Variants in CAST observed in about 807,000 individuals in gnomAD.
CAST encodes MIR583 host.
A neutral mutation model predicts 119.6 loss-of-function variants in CAST; 76 were observed. That is an observed-to-expected ratio of 0.64 (90% CI 0.53 to 0.77). The LOEUF is 0.77. Ranked by LOEUF, CAST falls within the 30% of genes least tolerant of loss-of-function variation. The pLI, the probability that CAST is intolerant of heterozygous loss-of-function variation, is 0.00. For missense variants in CAST, 953 were observed against 946.5 expected (o/e 1.01, Z -0.09); for synonymous variants, 319 against 331.6 (o/e 0.96, Z 0.41).
At chr5:96,421,958 TA>T in the CAST span, 1 of 1,192,722 alleles carries the variant, frequency 8.4e-7, no homozygotes, top group Non-Finnish European at 1.2e-6. Context: ...CTCTGGATCC[TA>T]AAGAGACAAC....
At position 96,545,395 on chromosome 5, in the gene CAST, G is replaced by A. The variant is rs531633899; in HGVS notation, c.60+15515G>A. The stretch of plus-strand genomic sequence containing the variant: ...ATATGAAATGAAGCAATGATATGGG[G>A]AATGCCTTGACAAAGGCATTCTTTC... On this transcript the variant is annotated intron_variant, in intron 1 of 11. Coordinates refer to the CAST transcript ENST00000505143. The A allele has an allele frequency of 3.3e-5, 5 of 152,294 alleles. No homozygotes were observed. The East Asian group carries it at 9.6e-4, about 29-fold the overall frequency. The allele number at this position is 152,294 out of a possible 1,614,324, so 9.4% of individuals were successfully genotyped here.
At chr5:96,610,153 G>A (rs749512644) in intron 1 of CAST, among the ~76,000 whole-genome samples, 2 of 152,136 alleles carry the variant, frequency 1.3e-5, no homozygotes, top group Non-Finnish European at 2.9e-5. Flanking sequence ...GGCCATTCCC[G>A]TGCACATGCT....
the CAST span, among the ~76,000 whole-genome samples, chr5:96,406,591 T>C: frequency 1.3e-5 from 2 of 152,152 alleles, no homozygotes; most frequent in Admixed American, 6.5e-5. Context: ...CCCATCTCCA[T>C]AGGAAGCCCC....
intron 1 of CAST, among the ~76,000 whole-genome samples, chr5:96,664,199 A>G (rs1580877505): frequency 1.3e-5 from 2 of 152,050 alleles, no homozygotes; most frequent in East Asian, 3.9e-4. Context: ...GCAGAATTAT[A>G]TCCCACAAGT....
intron 14 of CAST, 32 bp downstream of exon 14, chr5:96,741,390 G>A (rs1448489327): frequency 6.5e-7 from 1 of 1,528,736 alleles, no homozygotes; most frequent in Non-Finnish European, 9.1e-7. Context: ...AGGGAAACTT[G>A]TTAGGAACTA....
the CAST span, among the ~76,000 whole-genome samples, chr5:96,416,983 T>C: frequency 2.6e-5 from 4 of 152,202 alleles, no homozygotes; most frequent in Non-Finnish European, 2.9e-5. Context: ...ATTCATTTAT[T>C]TCGTGATTTT....
chr5:96,107,093 CT>C, the CAST span, among the ~76,000 whole-genome samples: 1 of 148,242 alleles, frequency 6.7e-6, no homozygotes, highest in Non-Finnish European at 1.5e-5. Flanking sequence ...TTCCTCCATC[CT>C]TTTATTTTGA....
At chr5:96,183,593 A>G in the CAST span, among the ~76,000 whole-genome samples, 2 of 152,084 alleles carry the variant, frequency 1.3e-5, no homozygotes, top group African/African-American at 4.8e-5. Flanking sequence ...TTTTTTCCAC[A>G]TATTTATTTC....
At chr5:96,331,162 A>T in the CAST span, among the ~76,000 whole-genome samples, 2 of 152,234 alleles carry the variant, frequency 1.3e-5, no homozygotes, top group Admixed American at 6.5e-5. Flanking sequence ...AGAAACCTTG[A>T]CTCAGGAGTC....
chr5:96,108,477 C>T, the CAST span, among the ~76,000 whole-genome samples: 1 of 152,054 alleles, frequency 6.6e-6, no homozygotes, highest in Non-Finnish European at 1.5e-5. Context: ...GTTGGAGTAC[C>T]CGGCCGTGTG....
At chr5:96,567,137 ACT>A (rs2150186136) in intron 1 of CAST, among the ~76,000 whole-genome samples, 1 of 152,276 alleles carries the variant, frequency 6.6e-6, no homozygotes, top group African/African-American at 2.4e-5. Flanking sequence ...CCTTCTAGCT[ACT>A]CTCTTTCCTC....
the CAST span, among the ~76,000 whole-genome samples, chr5:96,173,342 A>G: frequency 6.6e-6 from 1 of 152,254 alleles, no homozygotes; most frequent in Admixed American, 6.5e-5. Flanking sequence ...AGTCCGGGGT[A>G]TAGTCCTCAT....
the CAST span, among the ~76,000 whole-genome samples, chr5:96,189,772 G>A: frequency 1.3e-5 from 2 of 151,948 alleles, no homozygotes; most frequent in Non-Finnish European, 2.9e-5. Flanking sequence ...ACTTTTAACA[G>A]CTAGTTTTTA....
chr5:96,620,512 A>G (rs754044833), intron 1 of CAST, among the ~76,000 whole-genome samples: 3 of 152,188 alleles, frequency 2.0e-5, no homozygotes, highest in African/African-American at 4.8e-5. Flanking sequence ...AGTACTCTGC[A>G]GTGTACTCTG....
At chr5:96,306,783 T>C in the CAST span, among the ~76,000 whole-genome samples, 1 of 152,206 alleles carries the variant, frequency 6.6e-6, no homozygotes, top group Non-Finnish European at 1.5e-5. Flanking sequence ...GAATACTGAG[T>C]TCCAATTTGA....
the CAST span, chr5:96,248,026 T>C: frequency 6.6e-6 from 1 of 152,196 alleles, no homozygotes; most frequent in African/African-American, 2.4e-5. Flanking sequence ...AGGTAATATA[T>C]TCAGCCAAGT....
the CAST span, among the ~76,000 whole-genome samples, chr5:96,115,915 ATTTC>A: frequency 2.7e-5 from 4 of 150,290 alleles, no homozygotes; most frequent in Admixed American, 6.6e-5. Flanking sequence ...TGACATGGTC[ATTTC>A]TTTCTTTTTT....
the CAST span, among the ~76,000 whole-genome samples, chr5:96,199,440 G>A: frequency 6.6e-5 from 10 of 152,212 alleles, no homozygotes; most frequent in South Asian, 4.1e-4. Context: ...GAAAGTGACC[G>A]AACACAGCTT....
At chr5:96,356,866 T>C in the CAST span, among the ~76,000 whole-genome samples, 2 of 152,170 alleles carry the variant, frequency 1.3e-5, no homozygotes, top group Non-Finnish European at 2.9e-5. Context: ...TAATTCTGTT[T>C]AGAAAGTCAA....
Sources: allele counts gnomAD v4.1 joint callset (sites outside exome capture counted in the v4.1 genomes callset), GRCh38; gene constraint gnomAD v4.1.1; transcripts MANE v1.5; gene names NCBI Gene and HGNC (gene_info 2026-07-23, HGNC 2026-07-21).